Variants in LAMP3 observed in about 807,000 individuals in gnomAD.
The protein encoded by LAMP3 is lysosome-associated membrane glycoprotein 3.
LAMP3 carries 26 observed loss-of-function variants against 34.8 expected under a neutral mutation model. That is an observed-to-expected ratio of 0.75 (90% confidence interval 0.55 to 1.04). The LOEUF is 1.04. Ranked by LOEUF, LAMP3 falls within the 50% of genes least tolerant of loss-of-function variation. The pLI is 0.00. For synonymous variants in LAMP3, 180 were observed against 201.9 expected, an observed-to-expected ratio of 0.89 and a Z score of 0.92; for missense variants, 495 against 524.0, an observed-to-expected ratio of 0.94 and a Z score of 0.54.
chr3:183,143,753 C>T (rs1163261605), intron 3 of LAMP3, among the ~76,000 whole-genome samples: 1 of 152,172 alleles, frequency 6.6e-6, no homozygotes, highest in Non-Finnish European at 1.5e-5. Flanking sequence ...TGGAATGAGG[C>T]TTAGACAATT....
chr3:183,128,346 TAATG>T (rs994058209), intron 5 of LAMP3, among the ~76,000 whole-genome samples: 1 of 152,172 alleles, frequency 6.6e-6, no homozygotes, highest in African/African-American at 2.4e-5. Context: ...GCTAGAACAA[TAATG>T]AATATACTAT....
At chr3:183,142,178 A>G (rs1720303382) in intron 3 of LAMP3, among the ~76,000 whole-genome samples, 1 of 152,222 alleles carries the variant, frequency 6.6e-6, no homozygotes, top group African/African-American at 2.4e-5. Flanking sequence ...CTCTTTTAAT[A>G]TAAGAGAGAC....
At position 183,162,707 on chromosome 3, in the gene LAMP3, C is replaced by G; in HGVS notation, c.-52G>C. 3 of 1,466,858 alleles carry G rather than the reference C, an allele frequency of 2.0e-6. No homozygotes were observed. The highest frequency in any genetic ancestry group is 1.4e-5 in the South Asian group (1 of 73,848). The allele number at this position is 1,466,858 out of a possible 1,614,324, so 90.9% of individuals were successfully genotyped here. A position where few individuals can be genotyped will look rare whatever the true frequency, so the allele number is the denominator to read the frequency against. ...CGTGCGGCGAAGTCCGGGCAGGCCCCGAATCGGTGCCAGAGAAACCTACCT... is the reference window on the plus strand; with the variant it reads ...CGTGCGGCGAAGTCCGGGCAGGCCCGGAATCGGTGCCAGAGAAACCTACCT... On this transcript the variant is annotated 5_prime_UTR_variant, in exon 1 of 6. Coordinates refer to ENST00000265598, the MANE Select transcript of LAMP3 (RefSeq NM_014398.4).
chr3:183,161,513 C>A (rs1720972714), intron 1 of LAMP3, among the ~76,000 whole-genome samples: 1 of 152,090 alleles, frequency 6.6e-6, no homozygotes, highest in South Asian at 2.1e-4. Flanking sequence ...GCCTCAGTCT[C>A]CCGAGTACCT....
chr3:183,148,348 C>A lies in LAMP3; in HGVS notation c.888+4027G>T, dbSNP rs760115458. On this transcript the variant is annotated intron_variant, in intron 3 of 5. Transcript: ENST00000265598. ...TACATCAAGTTAAAATGCTTCTGCACAGCAAAGGAAACAATCAACAAAGTG... is the reference window on the plus strand; with the variant it reads ...TACATCAAGTTAAAATGCTTCTGCAAAGCAAAGGAAACAATCAACAAAGTG... 1.1e-4 allele frequency among the ~76,000 whole-genome samples: 17 copies of A among 152,194 alleles called. 1 individual carries two copies. The South Asian group carries it at 1.5e-3, about 13-fold the overall frequency.
chr3:183,154,507 CT>C, intron 1 of LAMP3, 116 bp from the exon 2 acceptor site: 1 of 776,772 alleles, frequency 1.3e-6, no homozygotes, highest in South Asian at 1.8e-5. Flanking sequence ...TATTTTTATA[CT>C]TGGGGGAAAT....
At chr3:183,143,831 TA>T (rs1720360013) in intron 3 of LAMP3, among the ~76,000 whole-genome samples, 1 of 152,226 alleles carries the variant, frequency 6.6e-6, no homozygotes, top group Non-Finnish European at 1.5e-5. Context: ...TCGTCTTTGG[TA>T]AACTTTTTTC....
chr3:183,163,691 C>G (rs962140528), upstream of LAMP3: 1 of 152,328 alleles, frequency 6.6e-6, no homozygotes, highest in African/African-American at 2.4e-5. Flanking sequence ...GCCTAAAAAC[C>G]CCTAAGCACC....
chr3:183,139,343 C>T (rs1720199514), intron 4 of LAMP3, among the ~76,000 whole-genome samples: 1 of 150,898 alleles, frequency 6.6e-6, no homozygotes, highest in African/African-American at 2.4e-5. Context: ...TGAGCTGAGA[C>T]CAAGCCACTG....
intron 3 of LAMP3, among the ~76,000 whole-genome samples, chr3:183,142,742 AT>A (rs1720323095): frequency 6.6e-6 from 1 of 152,184 alleles, no homozygotes; most frequent in Admixed American, 6.5e-5. Context: ...ATAACCATTG[AT>A]GGGAAGCAGG....
chr3:183,143,147 C>T lies in LAMP3; in HGVS notation c.889-2552G>A, dbSNP rs551943985. Among the ~76,000 whole-genome samples, 43 of 152,204 alleles carry T rather than the reference C, an allele frequency of 2.8e-4. No homozygotes were observed. The South Asian group carries it at 5.8e-3, about 21-fold the overall frequency. On this transcript the variant is annotated intron_variant, in intron 3 of 5. Coordinates refer to ENST00000265598, the MANE Select transcript of LAMP3 (RefSeq NM_014398.4). ...TTTTTGAGTTGGGGTCTCCCTCTGT[C>T]GCCCAGGCTGGTGTGCAGTGGCAAG... is the stretch of plus-strand genomic sequence containing the variant.
rs1719722417 is a variant in LAMP3 at position 183,123,857 on chromosome 3, G to C, written c.*224C>G. The C allele has an allele frequency of 2.0e-6, 1 of 498,510 alleles. No homozygotes were observed. The highest frequency in any genetic ancestry group is 3.5e-6 in the Non-Finnish European group (1 of 283,118). 30.9% of individuals were successfully genotyped at this position (498,510 alleles called of 1,614,324 possible). The stretch of plus-strand genomic sequence containing the variant: ...GGCTAAAATATTCTAAAGGAAACTA[G>C]AAAATAAACAGCTCACTATATCTTT... On this transcript the variant is annotated 3_prime_UTR_variant, in exon 6 of 6. Transcript: ENST00000265598.
chr3:183,150,565 C>CTTTTTTTTTTTT lies in LAMP3; in HGVS notation c.888+1798_888+1809dup, dbSNP rs10665288. Among the ~76,000 whole-genome samples the CTTTTTTTTTTTT allele has an allele frequency of 3.8e-4, 33 of 86,096 alleles. 1 individual carries two copies. The highest frequency in any genetic ancestry group is 1.2e-3 in the African/African-American group (28 of 23,758). The allele number at this position is 86,096 out of a possible 152,430, so 56.5% of individuals were successfully genotyped here. A position where few individuals can be genotyped will look rare whatever the true frequency, so the allele number is the denominator to read the frequency against. ...ATCTTCTGCTATTTTGCCAAAGTGA[C>CTTTTTTTTTTTT]TTTTTTTTTTTTTTTTTTTTTTGGA... On this transcript the variant is annotated intron_variant, in intron 3 of 5. Coordinates refer to ENST00000265598, the MANE Select transcript of LAMP3 (RefSeq NM_014398.4).
At chr3:183,152,903 A>G (rs1203575341) in intron 2 of LAMP3, among the ~76,000 whole-genome samples, 1 of 152,172 alleles carries the variant, frequency 6.6e-6, no homozygotes, top group Non-Finnish European at 1.5e-5. Flanking sequence ...TTGGCCGGGC[A>G]TGGTGGCTCA....
chr3:183,125,984 A>G (rs1473709210), intron 5 of LAMP3, among the ~76,000 whole-genome samples: 1 of 152,212 alleles, frequency 6.6e-6, no homozygotes, highest in Non-Finnish European at 1.5e-5. Flanking sequence ...TCTTAAACGA[A>G]AAAAGAACTT....
At chr3:183,124,668 A>C (rs1719742163) in intron 5 of LAMP3, among the ~76,000 whole-genome samples, 1 of 152,132 alleles carries the variant, frequency 6.6e-6, no homozygotes, top group Non-Finnish European at 1.5e-5. Flanking sequence ...CCCCATCTCT[A>C]CTAAGAATAC....
At chr3:183,146,796 G>A (rs1720456338) in intron 3 of LAMP3, among the ~76,000 whole-genome samples, 1 of 151,722 alleles carries the variant, frequency 6.6e-6, no homozygotes, top group Non-Finnish European at 1.5e-5. Flanking sequence ...CCAAAGTGCT[G>A]GGATTACAGG....
At position 183,152,447 on chromosome 3, in the gene LAMP3, C is replaced by T. The variant is rs1405584384; in HGVS notation, c.816G>A (p.Gly272=). ...GGTTGGATTTTCGGGTGCCACAGTT[C>T]CCAGAGGCTTGCGTTGCGTTGGGGT... ...NIDPNATQAS[G]NCGTRKSNLL... Residue 272 remains glycine, a synonymous_variant, in exon 3 of 6, where the codon GGG becomes GGA. Coordinates refer to ENST00000265598, the MANE Select transcript of LAMP3 (RefSeq NM_014398.4). 3 of 1,612,892 alleles carry T rather than the reference C, an allele frequency of 1.9e-6. No homozygotes were observed. Among genetic ancestry groups the T allele is most frequent in the Non-Finnish European group, 2.5e-6 (3 of 1,179,492 alleles).
At chr3:183,142,929 T>G (rs115411403) in intron 3 of LAMP3, among the ~76,000 whole-genome samples, 1,580 of 152,274 alleles carry the variant, frequency 0.01, 30 homozygotes, top group African/African-American at 0.035. Flanking sequence ...CCACTGCTGT[T>G]CCACAAGAAT....
Sources: allele counts gnomAD v4.1 joint callset (sites outside exome capture counted in the v4.1 genomes callset), GRCh38; gene constraint gnomAD v4.1.1; transcripts MANE v1.5; gene names NCBI Gene and HGNC (gene_info 2026-07-23, HGNC 2026-07-21).